Variants in OSBPL10 observed in about 807,000 individuals in gnomAD.
OSBPL10 encodes the protein oxysterol-binding protein-related protein 10.
In OSBPL10, 49 loss-of-function variants were observed where a neutral mutation model predicts 81.7. The ratio of observed to expected loss-of-function variants is 0.60; its 90% CI spans 0.48 to 0.76. OSBPL10 has a LOEUF of 0.76. OSBPL10 is among the 30% of genes least tolerant of loss of function. The pLI is 0.00. For synonymous variants in OSBPL10, 419 were observed against 383.6 expected, an observed-to-expected ratio of 1.09 and a Z score of -1.08; for missense variants, 923 against 987.8, an observed-to-expected ratio of 0.93 and a Z score of 0.88.
At chr3:31,923,703 C>A (rs1159859623) in intron 1 of OSBPL10, among the ~76,000 whole-genome samples, 1 of 152,072 alleles carries the variant, frequency 6.6e-6, no homozygotes, top group African/African-American at 2.4e-5. Flanking sequence ...AGAAGGATCA[C>A]TTGAGCCCAG....
chr3:31,778,058 G>C (rs1196763012), intron 4 of OSBPL10, among the ~76,000 whole-genome samples: 3 of 152,210 alleles, frequency 2.0e-5, no homozygotes, highest in Non-Finnish European at 4.4e-5. Flanking sequence ...AAGGACAGCA[G>C]AGTCACAGTG....
intron 2 of OSBPL10, among the ~76,000 whole-genome samples, chr3:32,016,919 T>A (rs760275856): frequency 2.0e-5 from 3 of 152,212 alleles, no homozygotes; most frequent in Non-Finnish European, 4.4e-5. Flanking sequence ...GGCACCCACA[T>A]GGCACATTCT....
intron 1 of OSBPL10, among the ~76,000 whole-genome samples, chr3:32,059,815 G>A (rs1011880073): frequency 1.3e-5 from 2 of 151,718 alleles, no homozygotes; most frequent in African/African-American, 4.8e-5. Context: ...GGGAGGCTGA[G>A]ATGGGTGGAT....
intron 1 of OSBPL10, among the ~76,000 whole-genome samples, chr3:31,972,595 G>A (rs1180439784): frequency 1.3e-5 from 2 of 151,904 alleles, no homozygotes; most frequent in African/African-American, 4.8e-5. Context: ...CCAGAACAGA[G>A]CCCCCAGTTC....
chr3:31,872,489 G>C (rs1206460757), intron 3 of OSBPL10, among the ~76,000 whole-genome samples: 1 of 150,782 alleles, frequency 6.6e-6, no homozygotes, highest in Non-Finnish European at 1.5e-5. Context: ...ATTGATTTAG[G>C]GTTATTCACA....
intron 4 of OSBPL10, chr3:31,794,899 G>T: frequency 2.7e-6 from 1 of 367,920 alleles, no homozygotes; most frequent in Non-Finnish European, 5.4e-6. Context: ...GCAGCACATT[G>T]GAGAGAAACT....
intron 6 of OSBPL10, among the ~76,000 whole-genome samples, chr3:31,730,337 A>G (rs1696935179): frequency 6.6e-6 from 1 of 151,422 alleles, no homozygotes. Context: ...GAGCAAAAAA[A>G]AAATCTCCAA....
chr3:31,809,522 G>A (rs9825992), intron 4 of OSBPL10, among the ~76,000 whole-genome samples: 5 of 152,102 alleles, frequency 3.3e-5, no homozygotes, highest in South Asian at 2.1e-4. Context: ...AATGCACTCC[G>A]AATAAAAGTG....
At chr3:31,983,543 T>C (rs981284997), upstream of OSBPL10, among the ~76,000 whole-genome samples, 5 of 152,202 alleles carry the variant, frequency 3.3e-5, no homozygotes, top group African/African-American at 1.2e-4. Context: ...AAGCCAGCCG[T>C]ATGGGATCAA....
chr3:31,796,924 C>T (rs1260373753), intron 4 of OSBPL10, among the ~76,000 whole-genome samples: 1 of 151,924 alleles, frequency 6.6e-6, no homozygotes, highest in Non-Finnish European at 1.5e-5. Context: ...TTCTCCCATT[C>T]TCATACAGGT....
intron 4 of OSBPL10, chr3:31,797,630 C>A: frequency 3.1e-6 from 1 of 327,530 alleles, no homozygotes; most frequent in South Asian, 2.3e-5. Flanking sequence ...TTCTGTGAAC[C>A]CTGCAAAAGG....
At chr3:31,708,427 T>C (rs561530461) in intron 6 of OSBPL10, among the ~76,000 whole-genome samples, 8 of 152,300 alleles carry the variant, frequency 5.3e-5, no homozygotes, top group Admixed American at 2.6e-4. Context: ...AAGCCCCATC[T>C]AACAGGCAAA....
chr3:31,808,500 C>T (rs1474992913), intron 4 of OSBPL10, among the ~76,000 whole-genome samples: 1 of 152,144 alleles, frequency 6.6e-6, no homozygotes, highest in East Asian at 1.9e-4. Flanking sequence ...TGAGAACAAG[C>T]AAATACCAAC....
chr3:31,941,274 GACAA>G (rs990965638), intron 1 of OSBPL10, among the ~76,000 whole-genome samples: 1 of 152,052 alleles, frequency 6.6e-6, no homozygotes, highest in Non-Finnish European at 1.5e-5. Context: ...AGAAAAGCAA[GACAA>G]ACAGACTCTG....
chr3:31,848,110 T>C (rs567001384), intron 3 of OSBPL10, among the ~76,000 whole-genome samples: 1 of 152,232 alleles, frequency 6.6e-6, no homozygotes, highest in African/African-American at 2.4e-5. Flanking sequence ...TACAAGATGA[T>C]GCAGAATCAG....
intron 4 of OSBPL10, chr3:31,822,232 G>A (rs1699997144): frequency 6.6e-6 from 1 of 152,162 alleles, no homozygotes; most frequent in Non-Finnish European, 1.5e-5. Context: ...CCTCTGTCAG[G>A]AGAGTGTGTA....
rs549736323 is a variant in OSBPL10, at chr3:31,695,541, A to G, written c.1245+6818T>C. On this transcript the variant is annotated intron_variant, in intron 7 of 11. Coordinates refer to ENST00000396556, the MANE Select transcript of OSBPL10 (RefSeq NM_017784.5). ...AACTCCCTTTGATCTATGCCAAGCA[A>G]CTCTGCCACTCTCTCCCTCCATCCA... 3.3e-5 allele frequency among the ~76,000 whole-genome samples: 5 copies of G among 151,992 alleles called. No individual in the cohort carries two copies. In the East Asian group the frequency reaches 9.7e-4, roughly 29 times the overall value.
chr3:31,687,250 C>T (rs1290490821), intron 7 of OSBPL10, among the ~76,000 whole-genome samples: 1 of 152,124 alleles, frequency 6.6e-6, no homozygotes, highest in Non-Finnish European at 1.5e-5. Context: ...ATTGCGTAAC[C>T]TTGGCTCGTG....
chr3:31,944,833 TAAAAAA>T (rs869140991), intron 1 of OSBPL10, among the ~76,000 whole-genome samples: 1,394 of 54,522 alleles, frequency 0.026, 32 homozygotes, highest in East Asian at 0.035. Context: ...CCCCTCTCTT[TAAAAAA>T]AAAAAAAAAA....
Sources: allele counts gnomAD v4.1 joint callset (sites outside exome capture counted in the v4.1 genomes callset), GRCh38; gene constraint gnomAD v4.1.1; transcripts MANE v1.5; gene names NCBI Gene and HGNC (gene_info 2026-07-23, HGNC 2026-07-21).